Variants in TUBA1A observed in about 807,000 individuals in gnomAD.
The protein encoded by TUBA1A is tubulin alpha 1a.
A neutral mutation model predicts 34.6 loss-of-function variants in TUBA1A; 7 were observed. That is an observed-to-expected ratio of 0.20 (90% CI 0.11 to 0.38). The LOEUF (loss-of-function observed/expected upper bound fraction) is 0.38. TUBA1A is among the 10% of genes least tolerant of loss of function. The pLI is 1.00. For synonymous variants in TUBA1A, 193 were observed against 210.2 expected (o/e 0.92, Z 0.71); for missense variants, 19 against 581.3 (o/e 0.03, Z 9.95).
intron 1 of TUBA1A, chr12:49,187,987 C>T (rs894339208): frequency 2.0e-6 from 2 of 983,716 alleles, no homozygotes; most frequent in African/African-American, 3.5e-5. Context: ...AGTGGGCTTT[C>T]TCCCTCGCTG....
Position 49,185,513 on chromosome 12 carries a change from G to A in TUBA1A, c.853C>T (p.Gln285Ter). Residue 285 changes from glutamine (Q) to a stop codon, truncating the protein, a stop_gained, in exon 4 of 4, where the codon CAG becomes TAG. Transcript: ENST00000301071. LOFTEE classifies it high-confidence loss of function. ...TTGGTGATCTCTGCTACAGAAAGCT[G>A]TTCATGGTAGGCTTTCTCAGCAGAG... Reference protein sequence around the residue: ...VISAEKAYHEQLSVAEITNAC... With the variant: ...VISAEKAYHE 6.2e-7 allele frequency: 1 copy of A among 1,613,990 alleles called. No individual in the cohort carries two copies. Among genetic ancestry groups the A allele is most frequent in the Non-Finnish European group, 8.5e-7 (1 of 1,179,980 alleles).
Position 49,186,469 on chromosome 12 carries a change from T to A in TUBA1A, c.227-11A>T. ...CAGTGCGAACTTCATCTGGAGAACATGATGGGGGAGGAGCAGGGGGGAGGA... is the reference window on the plus strand; with the variant it reads ...CAGTGCGAACTTCATCTGGAGAACAAGATGGGGGAGGAGCAGGGGGGAGGA... On this transcript the variant is annotated splice_polypyrimidine_tract_variant and intron_variant, in intron 2 of 3. Coordinates refer to ENST00000301071, the MANE Select transcript of TUBA1A (RefSeq NM_006009.4). This position sits in a 1 kb window ranked among gnomAD's most constrained non-coding sequence, Gnocchi z 6.6. 6.5e-7 allele frequency: 1 copy of A among 1,549,812 alleles called. No individual in the cohort carries two copies. The highest frequency in any genetic ancestry group is 8.7e-7 in the Non-Finnish European group (1 of 1,147,184).
rs1233725872 is a variant in TUBA1A, at chr12:49,189,001, GAGCTGATGGCGGAGACGA to G, written c.-40_-23del. 1 of 1,614,076 alleles carries G rather than the reference GAGCTGATGGCGGAGACGA, an allele frequency of 6.2e-7. No individual in the cohort carries two copies. Among genetic ancestry groups the G allele is most frequent in the African/African-American group, 1.3e-5 (1 of 74,942 alleles). On this transcript the variant is annotated 5_prime_UTR_variant, in exon 1 of 4. Transcript: ENST00000301071. ...CCATGGTTGCTGCTTCGCGACTGCC[GAGCTGATGGCGGAGACGA>G]AGAGGAGAGGTTGTTGCTTCTTACA...
At position 49,188,648 on chromosome 12, in the gene TUBA1A, C is replaced by T. The variant is rs1942213775; in HGVS notation, c.3+329G>A. On this transcript the variant is annotated intron_variant, in intron 1 of 3. Transcript: ENST00000301071. This position sits in a 1 kb window ranked among gnomAD's most constrained non-coding sequence, Gnocchi z 4.9. Reference sequence around the variant, plus strand: ...CGAAACCGTGCGCACAGACACGGGGCCCAGCCGGGACGCCCCAGACCCCTC... The same window carrying T: ...CGAAACCGTGCGCACAGACACGGGGTCCAGCCGGGACGCCCCAGACCCCTC... The T allele has an allele frequency of 7.0e-7, 1 of 1,436,384 alleles. No individual in the cohort carries two copies. Among genetic ancestry groups the T allele is most frequent in the Admixed American group, 2.8e-5 (1 of 35,392 alleles). 89.0% of individuals were successfully genotyped at this position (1,436,384 alleles called of 1,614,324 possible).
intron 1 of TUBA1A, chr12:49,187,243 T>G: frequency 9.0e-7 from 1 of 1,111,108 alleles, no homozygotes; most frequent in Non-Finnish European, 1.1e-6. Flanking sequence ...GGACTTGATA[T>G]TATAATCCGG....
chr12:49,188,777 C>A lies in TUBA1A; in HGVS notation c.3+200G>T. ...CCCCAGCGCTCTGCTGCGCCCTGGG[C>A]GCAGTACTGGCCCGGTTCCTGCACC... On this transcript the variant is annotated intron_variant, in intron 1 of 3. Coordinates refer to ENST00000301071, the MANE Select transcript of TUBA1A (RefSeq NM_006009.4). This position sits in a 1 kb window ranked among gnomAD's most constrained non-coding sequence, Gnocchi z 4.9. 1 of 1,561,806 alleles carries A rather than the reference C, an allele frequency of 6.4e-7. No homozygotes were observed. Among genetic ancestry groups the A allele is most frequent in the South Asian group, 1.1e-5 (1 of 87,062 alleles).
In TUBA1A at chr12:49,186,948, A is replaced by G; in HGVS notation, c.4-115T>C. 6 of 1,524,962 alleles carry G rather than the reference A, an allele frequency of 3.9e-6. No individual in the cohort carries two copies. Among genetic ancestry groups the G allele is most frequent in the Non-Finnish European group, 5.3e-6 (6 of 1,142,452 alleles). The allele number at this position is 1,524,962 out of a possible 1,614,324, so 94.5% of individuals were successfully genotyped here. A position where few individuals can be genotyped will look rare whatever the true frequency, so the allele number is the denominator to read the frequency against. ...TACAGATATTTTTCTAAATTATTTGAGGTCATATCCCCAGCACGATACAAA... is the reference window on the plus strand; with the variant it reads ...TACAGATATTTTTCTAAATTATTTGGGGTCATATCCCCAGCACGATACAAA... On this transcript the variant is annotated intron_variant, in intron 1 of 3. Coordinates refer to ENST00000301071, the MANE Select transcript of TUBA1A (RefSeq NM_006009.4). The surrounding 1 kb of genome is among the most constrained non-coding windows in gnomAD (Gnocchi z 6.6).
Position 49,189,045 on chromosome 12 carries a change from G to T in TUBA1A, c.-66C>A. 6.2e-7 allele frequency: 1 copy of T among 1,607,378 alleles called. No individual in the cohort carries two copies. Among genetic ancestry groups the T allele is most frequent in the South Asian group, 1.1e-5 (1 of 90,962 alleles). ...AGAGGAGAGGTTGTTGCTTCTTACA[G>T]CGCGACTCTTAGGCGGTCGATGTAA... On this transcript the variant is annotated 5_prime_UTR_variant, in exon 1 of 4. The change creates a new upstream start codon in the 5' untranslated region. Transcript: ENST00000301071.
chr12:49,189,054 T>G lies in TUBA1A; in HGVS notation c.-75A>C. On this transcript the variant is annotated 5_prime_UTR_variant, in exon 1 of 4. Transcript: ENST00000301071. ...GTTGTTGCTTCTTACAGCGCGACTC[T>G]TAGGCGGTCGATGTAAGAGAACCTG... 8 of 1,600,024 alleles carry G rather than the reference T, an allele frequency of 5.0e-6. No homozygotes were observed. The highest frequency in any genetic ancestry group is 6.0e-6 in the Non-Finnish European group (7 of 1,167,272).
rs1942211012 is a variant in TUBA1A at position 49,188,492 on chromosome 12, G to C, written c.3+485C>G. The C allele has an allele frequency of 1.3e-6, 2 of 1,530,396 alleles. No individual in the cohort carries two copies. Among genetic ancestry groups the C allele is most frequent in the Admixed American group, 4.0e-5 (2 of 50,298 alleles). 94.8% of individuals were successfully genotyped at this position (1,530,396 alleles called of 1,614,324 possible). Reference sequence around the variant, plus strand: ...GGAGGGTCTTCCCACGCTAACCCTAGGCTGCGCTTTGTTCCCGTTCCCCCT... The same window carrying C: ...GGAGGGTCTTCCCACGCTAACCCTACGCTGCGCTTTGTTCCCGTTCCCCCT... On this transcript the variant is annotated intron_variant, in intron 1 of 3. Transcript: ENST00000301071. This position sits in a 1 kb window ranked among gnomAD's most constrained non-coding sequence, Gnocchi z 4.9.
Position 49,188,930 on chromosome 12 carries a change from G to T in TUBA1A, c.3+47C>A, listed in dbSNP as rs774938419. 3 of 1,614,190 alleles carry T rather than the reference G, an allele frequency of 1.9e-6. No individual in the cohort carries two copies. Among genetic ancestry groups the T allele is most frequent in the Non-Finnish European group, 1.7e-6 (2 of 1,180,048 alleles). Reference sequence around the variant, plus strand: ...AAGGTTTTCCAAGTAGAGCCTGGGGGCGCTGACTCCACCCAACGGCCACAA... The same window carrying T: ...AAGGTTTTCCAAGTAGAGCCTGGGGTCGCTGACTCCACCCAACGGCCACAA... On this transcript the variant is annotated intron_variant, in intron 1 of 3. Coordinates refer to ENST00000301071, the MANE Select transcript of TUBA1A (RefSeq NM_006009.4). This position sits in a 1 kb window ranked among gnomAD's most constrained non-coding sequence, Gnocchi z 4.9.
chr12:49,187,886 T>C lies in TUBA1A; in HGVS notation c.4-1053A>G, dbSNP rs979422411. ...CTTTAGGGCTACCACTTTCATTGTC[T>C]ATTCGCTGATGTGGTGGGGGCGGGG... On this transcript the variant is annotated intron_variant, in intron 1 of 3. Coordinates refer to ENST00000301071, the MANE Select transcript of TUBA1A (RefSeq NM_006009.4). 11 of 979,856 alleles carry C rather than the reference T, an allele frequency of 1.1e-5. No individual in the cohort carries two copies. The African/African-American group carries it at 1.8e-4, about 16-fold the overall frequency. The allele number at this position is 979,856 out of a possible 1,614,324, so 60.7% of individuals were successfully genotyped here.
chr12:49,187,188 CT>C (rs1413468778), intron 1 of TUBA1A: 4 of 1,160,392 alleles, frequency 3.4e-6, no homozygotes, highest in African/African-American at 3.2e-5. Context: ...ATTAATTTTA[CT>C]GCTTTCTTCC....
intron 1 of TUBA1A, chr12:49,187,582 T>C (rs775305840): frequency 1.0e-6 from 1 of 982,868 alleles, no homozygotes; most frequent in Non-Finnish European, 1.2e-6. Context: ...TCTTTGTCTG[T>C]AGCAATTTCA....
chr12:49,187,121 A>C (rs1942191216), intron 1 of TUBA1A: 1 of 1,297,430 alleles, frequency 7.7e-7, no homozygotes, highest in South Asian at 1.9e-5. Context: ...AAAAGTATTC[A>C]GTATTCAAAG....
chr12:49,187,796 G>T (rs1942198769), intron 1 of TUBA1A: 2 of 983,630 alleles, frequency 2.0e-6, no homozygotes, highest in Non-Finnish European at 2.4e-6. Context: ...TTCATCCTGA[G>T]ATTCTCTACC....
Position 49,188,527 on chromosome 12 carries a change from C to G in TUBA1A, c.3+450G>C. On this transcript the variant is annotated intron_variant, in intron 1 of 3. Transcript: ENST00000301071. This position sits in a 1 kb window ranked among gnomAD's most constrained non-coding sequence, Gnocchi z 4.9. ...TGTTCCCGTTCCCCCTCCCACGTCC[C>G]CCAGCTCGCCCAACGCCCCCGCTCT... The G allele has an allele frequency of 6.6e-7, 1 of 1,511,082 alleles. No homozygotes were observed. Among genetic ancestry groups the G allele is most frequent in the Admixed American group, 2.0e-5 (1 of 49,090 alleles). The allele number at this position is 1,511,082 out of a possible 1,614,324, so 93.6% of individuals were successfully genotyped here.
rs138835855 is a variant in TUBA1A at position 49,186,139 on chromosome 12, C to T, written c.376-149G>A. On this transcript the variant is annotated intron_variant, in intron 3 of 3. Coordinates refer to ENST00000301071, the MANE Select transcript of TUBA1A (RefSeq NM_006009.4). The surrounding 1 kb of genome is among the most constrained non-coding windows in gnomAD (Gnocchi z 6.6). The stretch of plus-strand genomic sequence containing the variant: ...TTTAAAAAATTCTCATTAACATTTA[C>T]AAAATGACATCAAATAGTTCATTTT... 2,104 of 1,522,716 alleles carry T rather than the reference C, an allele frequency of 1.4e-3. 33 individuals are homozygous for T. The African/African-American group carries it at 0.026, about 19-fold the overall frequency. The allele number at this position is 1,522,716 out of a possible 1,614,324, so 94.3% of individuals were successfully genotyped here.
Position 49,186,186 on chromosome 12 carries a change from A to C in TUBA1A, c.375+124T>G. On this transcript the variant is annotated intron_variant, in intron 3 of 3. Transcript: ENST00000301071. This position sits in a 1 kb window ranked among gnomAD's most constrained non-coding sequence, Gnocchi z 6.6. The stretch of plus-strand genomic sequence containing the variant: ...TTTTAACTGAATTTTAAAAACCCCA[A>C]AAGAATGACTCATTCCACTCTTTAT... The C allele has an allele frequency of 6.3e-7, 1 of 1,594,122 alleles. No homozygotes were observed. The highest frequency in any genetic ancestry group is 8.6e-7 in the Non-Finnish European group (1 of 1,168,898).
Sources: gnomAD v4.1 joint callset for allele counts on GRCh38, gnomAD v4.1.1 for gene constraint, Gnocchi (gnomAD v3.1) non-coding constraint, MANE v1.5 for transcripts, NCBI Gene and HGNC (gene_info 2026-07-23, HGNC 2026-07-21) for gene names.